The following DLG2 variants were observed in gnomAD, a reference collection of about 807,000 sequenced individuals.
The protein encoded by DLG2 is discs large MAGUK scaffold protein 2.
DLG2 carries 45 observed loss-of-function variants against 132.5 expected under a neutral mutation model. The observed-to-expected ratio is 0.34, with a 90% CI of 0.27 to 0.44. The LOEUF (loss-of-function observed/expected upper bound fraction) is 0.44. Ranked by LOEUF, DLG2 falls within the 20% of genes least tolerant of loss-of-function variation. The probability of loss-of-function intolerance (pLI) is 1.00; values close to 1 mark genes in which losing one functional copy is unlikely to be tolerated. For synonymous variants in DLG2, 424 were observed against 419.6 expected, an observed-to-expected ratio of 1.01 and a Z score of -0.13; for missense variants, 1,045 against 1,196.9, an observed-to-expected ratio of 0.87 and a Z score of 1.87.
intron 6 of DLG2, among the ~76,000 whole-genome samples, chr11:84,870,185 T>C (rs562112786): frequency 1.3e-3 from 203 of 152,342 alleles, no homozygotes; most frequent in African/African-American, 4.7e-3. Context: ...ATTAGCATCA[T>C]TTTATGCATA....
chr11:85,371,794 T>A (rs565705485), intron 3 of DLG2, among the ~76,000 whole-genome samples: 1 of 152,140 alleles, frequency 6.6e-6, no homozygotes, highest in Non-Finnish European at 1.5e-5. Flanking sequence ...CTGGGCTTGG[T>A]TTTAAAAGGT....
At chr11:85,359,693 A>G (rs1001521608) in intron 3 of DLG2, among the ~76,000 whole-genome samples, 2 of 152,194 alleles carry the variant, frequency 1.3e-5, no homozygotes, top group African/African-American at 4.8e-5. Flanking sequence ...ATGCTCTTTA[A>G]TAAGAAACAT....
chr11:83,982,968 A>G (rs2092929938), intron 11 of DLG2, among the ~76,000 whole-genome samples: 1 of 152,200 alleles, frequency 6.6e-6, no homozygotes, highest in South Asian at 2.1e-4. Flanking sequence ...AGGCTATACT[A>G]CATAGCCTAG....
At chr11:85,122,881 TATATTTATACAC>T (rs2074499179) in intron 5 of DLG2, among the ~76,000 whole-genome samples, 1 of 146,398 alleles carries the variant, frequency 6.8e-6, no homozygotes, top group South Asian at 2.1e-4. Context: ...CATATATATG[TATATTTATACAC>T]ATATACACAC....
chr11:85,170,593 G>A lies in DLG2; in HGVS notation c.187-15942C>T, dbSNP rs187817927. ...AAAGTACCATAATTTGAGGTATCAT[G>A]TTCTGAGCCCAACACTACAAAATTC... On this transcript the variant is annotated intron_variant, in intron 4 of 27. Transcript: ENST00000376104. Among the ~76,000 whole-genome samples, 263 of 152,262 alleles carry A rather than the reference G, an allele frequency of 1.7e-3. 1 individual carries two copies. The highest frequency in any genetic ancestry group is 6.2e-3 in the African/African-American group (258 of 41,540).
intron 3 of DLG2, among the ~76,000 whole-genome samples, chr11:85,524,207 C>T (rs4944518): frequency 0.33 from 50,180 of 151,604 alleles, 8,858 homozygotes; most frequent in East Asian, 0.42. Flanking sequence ...CAGTCAACAA[C>T]AATTTATTGT....
At chr11:83,772,770 G>GT (rs1298216604) in intron 18 of DLG2, among the ~76,000 whole-genome samples, 3 of 152,020 alleles carry the variant, frequency 2.0e-5, no homozygotes, top group South Asian at 2.1e-4. Context: ...CCTGTTAAGT[G>GT]TTTTTTTCTT....
At chr11:84,519,208 G>GA (rs1170771088) in intron 7 of DLG2, among the ~76,000 whole-genome samples, 1 of 152,084 alleles carries the variant, frequency 6.6e-6, no homozygotes, top group Non-Finnish European at 1.5e-5. Flanking sequence ...TGACCCTGAT[G>GA]AAAAAATAAA....
At chr11:84,656,072 C>A (rs2099687872) in intron 6 of DLG2, among the ~76,000 whole-genome samples, 1 of 152,094 alleles carries the variant, frequency 6.6e-6, no homozygotes, top group African/African-American at 2.4e-5. Context: ...GACAAAGGAA[C>A]CGTACAGACA....
intron 3 of DLG2, among the ~76,000 whole-genome samples, chr11:85,390,063 G>A (rs192068777): frequency 5.5e-4 from 84 of 152,104 alleles, no homozygotes; most frequent in African/African-American, 2.0e-3. Flanking sequence ...GATACAAAAT[G>A]GCAGAATAAT....
At chr11:85,352,606 C>A (rs1015170914) in intron 3 of DLG2, among the ~76,000 whole-genome samples, 1 of 152,024 alleles carries the variant, frequency 6.6e-6, no homozygotes, top group South Asian at 2.1e-4. Context: ...GCTACAGTAA[C>A]CAAAACAGCA....
At chr11:84,175,608 T>C (rs903589970) in intron 8 of DLG2, among the ~76,000 whole-genome samples, 1 of 152,142 alleles carries the variant, frequency 6.6e-6, no homozygotes, top group African/African-American at 2.4e-5. Flanking sequence ...GATCAATTCA[T>C]CAATCAACAA....
intron 8 of DLG2, among the ~76,000 whole-genome samples, chr11:84,174,033 T>TTTTTTTTTTTTTTG: frequency 1.4e-5 from 2 of 142,674 alleles, no homozygotes; most frequent in Admixed American, 7.0e-5. Context: ...TTTTTTTTTT[T>TTTTTTTTTTTTTTG]TTTCTGAGTA....
At chr11:85,092,871 G>A (rs1289105132) in intron 6 of DLG2, among the ~76,000 whole-genome samples, 1 of 152,076 alleles carries the variant, frequency 6.6e-6, no homozygotes, top group Non-Finnish European at 1.5e-5. Flanking sequence ...TTGATCTCCT[G>A]ACCTCATGAT....
rs12295559 is a variant in DLG2, at chr11:84,900,062, C to T, written c.357+211599G>A. ...GATCATTAAGAATATTTCCTCTGACCTTCAGTATCTTACATATGATGGCTG... is the reference window on the plus strand; with the variant it reads ...GATCATTAAGAATATTTCCTCTGACTTTCAGTATCTTACATATGATGGCTG... On this transcript the variant is annotated intron_variant, in intron 6 of 27. Coordinates refer to ENST00000376104, the MANE Select transcript of DLG2 (RefSeq NM_001142699.3). Among the ~76,000 whole-genome samples the T allele has an allele frequency of 7.3e-3, 1,104 of 151,944 alleles. 13 individuals carry two copies. The highest frequency in any genetic ancestry group is 0.025 in the African/African-American group (1,040 of 41,444).
intron 3 of DLG2, among the ~76,000 whole-genome samples, chr11:85,546,455 G>C (rs1288698590): frequency 2.0e-5 from 3 of 152,166 alleles, no homozygotes; most frequent in Non-Finnish European, 2.9e-5. Flanking sequence ...GTGCTGAGAA[G>C]AATGTATATT....
intron 6 of DLG2, among the ~76,000 whole-genome samples, chr11:84,866,191 T>C (rs2154032726): frequency 7.4e-6 from 1 of 134,344 alleles, no homozygotes; most frequent in East Asian, 2.1e-4. Flanking sequence ...GAGCTCCCAC[T>C]AGTGTAGTCT....
At chr11:84,939,157 C>G (rs995400286) in intron 6 of DLG2, among the ~76,000 whole-genome samples, 2 of 152,120 alleles carry the variant, frequency 1.3e-5, no homozygotes, top group East Asian at 3.9e-4. Context: ...CCTTATAGCT[C>G]CCCAAAGATA....
chr11:84,208,341 CTTT>C (rs775828270), intron 8 of DLG2, among the ~76,000 whole-genome samples: 13 of 122,760 alleles, frequency 1.1e-4, no homozygotes, highest in Admixed American at 2.6e-4. Context: ...TCAGAATAAA[CTTT>C]TTTTTTTTTT....
Sources: allele counts gnomAD v4.1 joint callset (sites outside exome capture counted in the v4.1 genomes callset), GRCh38; gene constraint gnomAD v4.1.1; transcripts MANE v1.5; gene names NCBI Gene and HGNC (gene_info 2026-07-23, HGNC 2026-07-21).